CLBA1: variants seen among roughly 807,000 people sequenced by gnomAD.
CLBA1 encodes the protein clathrin binding box of aftiphilin containing 1, also known as uncharacterized protein CLBA1.
In CLBA1, 30 loss-of-function variants were observed where a neutral mutation model predicts 28.8. That is an observed-to-expected ratio of 1.04 (90% CI 0.78 to 1.41). CLBA1 has a LOEUF of 1.41. Among genes scored for constraint, CLBA1 ranks in the 40% most tolerant of loss-of-function variants. The probability of loss-of-function intolerance (pLI) is 0.00; values close to 1 mark genes in which losing one functional copy is unlikely to be tolerated. For synonymous variants in CLBA1, 160 were observed against 152.8 expected, an observed-to-expected ratio of 1.05 and a Z score of -0.35; for missense variants, 451 against 412.3, an observed-to-expected ratio of 1.09 and a Z score of -0.81.
Position 104,986,329 on chromosome 14 carries a change from C to A in CLBA1, c.-103C>A. On this transcript the variant is annotated 5_prime_UTR_variant, in exon 1 of 5. Transcript: ENST00000547315. ...CTCCTGCAGCGTCCCCTGGCCCTCT[C>A]CAGGGCAGGGGAAGGTTGGGCAGTC... is the stretch of plus-strand genomic sequence containing the variant. 8.6e-6 allele frequency: 11 copies of A among 1,280,752 alleles called. No individual in the cohort carries two copies. Among genetic ancestry groups the A allele is most frequent in the Non-Finnish European group, 1.2e-5 (11 of 939,032 alleles). The allele number at this position is 1,280,752 out of a possible 1,614,324, so 79.3% of individuals were successfully genotyped here.
chr14:104,989,721 A>G (rs1286633790), intron 2 of CLBA1: 1 of 455,516 alleles, frequency 2.2e-6, no homozygotes, highest in East Asian at 6.9e-5. Flanking sequence ...AGTTGGCCCA[A>G]GGCCCCAGAG....
At chr14:104,988,047 T>C (rs1410791973) in intron 1 of CLBA1, among the ~76,000 whole-genome samples, 1 of 151,904 alleles carries the variant, frequency 6.6e-6, no homozygotes, top group Non-Finnish European at 1.5e-5. Context: ...CCAGCGTGAT[T>C]GATGTATTAG....
Position 104,986,127 on chromosome 14 carries a change from G to C in CLBA1, c.-305G>C. 2.2e-6 allele frequency: 1 copy of C among 444,698 alleles called. No individual in the cohort carries two copies. Among genetic ancestry groups the C allele is most frequent in the East Asian group, 4.2e-5 (1 of 23,588 alleles). 27.5% of individuals were successfully genotyped at this position (444,698 alleles called of 1,614,324 possible). On this transcript the variant is annotated 5_prime_UTR_variant, in exon 1 of 5. Coordinates refer to ENST00000547315, the MANE Select transcript of CLBA1 (RefSeq NM_174891.4). ...TCTCCAGAGCAGGAGCCCCACCTTG[G>C]GCCGCCCCTCTCACACCTGCCGTGG...
intron 4 of CLBA1, chr14:104,993,724 T>C (rs1900099666): frequency 1.0e-6 from 1 of 985,308 alleles, no homozygotes; most frequent in Non-Finnish European, 1.2e-6. Context: ...TGGCCAGGCC[T>C]AGCTCACCTG....
intron 2 of CLBA1, chr14:104,989,602 C>T (rs756638356): frequency 1.8e-5 from 8 of 455,934 alleles, no homozygotes; most frequent in South Asian, 3.1e-5. Flanking sequence ...AAAGTGCACC[C>T]GCAGTCACTC....
At chr14:104,990,479 TG>T (rs1453219126) in intron 2 of CLBA1, 1 of 151,822 alleles carries the variant, frequency 6.6e-6, no homozygotes, top group Non-Finnish European at 1.5e-5. Flanking sequence ...TTGTATTTTT[TG>T]TAGAGACAGG....
At chr14:104,992,034 C>A (rs899188740) in intron 3 of CLBA1, among the ~76,000 whole-genome samples, 1 of 149,750 alleles carries the variant, frequency 6.7e-6, no homozygotes, top group Non-Finnish European at 1.5e-5. Flanking sequence ...ATGCACACGC[C>A]GCCACGCACA....
intron 4 of CLBA1, chr14:104,994,318 C>T (rs1900114736): frequency 7.1e-6 from 7 of 985,322 alleles, no homozygotes; most frequent in South Asian, 9.4e-5. Context: ...GTGCCAGACA[C>T]GTAGCACAAG....
chr14:104,991,348 TAAC>T, intron 2 of CLBA1, 140 bp from the exon 3 acceptor site: 4 of 929,776 alleles, frequency 4.3e-6, no homozygotes, highest in Non-Finnish European at 6.4e-6. Flanking sequence ...TTAGAGTTCT[TAAC>T]AGCCATACGC....
rs1376861503 is a variant in CLBA1 at position 104,986,711 on chromosome 14, T to C, written c.280T>C (p.Phe94Leu). 3.1e-6 allele frequency: 5 copies of C among 1,613,778 alleles called. No individual in the cohort carries two copies. Among genetic ancestry groups the C allele is most frequent in the Non-Finnish European group, 2.5e-6 (3 of 1,179,964 alleles). ...GGAATCTTCAGCCAAGTCTGGACAA[T>C]TCTCACAGTCCCTTGAACTCCTCGA... ...FRESSAKSGQ[F>L]SQSLELLEGP... Residue 94 changes from phenylalanine to leucine, a missense_variant, in exon 1 of 5, where the codon TTC (phenylalanine) becomes CTC (leucine). Physicochemically the swap from Phe to Leu is conservative, Grantham distance 22. Transcript: ENST00000547315.
intron 2 of CLBA1, chr14:104,990,202 C>G (rs2819466): frequency 0.07 from 11,351 of 162,698 alleles, 1,451 homozygotes; most frequent in African/African-American, 0.26. Context: ...GGTGTCAGGA[C>G]TTGGCGGGGC....
chr14:104,991,454 T>G (rs1220402531), intron 2 of CLBA1, 37 bp from the exon 3 acceptor site: 1 of 1,612,018 alleles, frequency 6.2e-7, no homozygotes, highest in African/African-American at 1.3e-5. Context: ...CAGAAGGCTC[T>G]CAAGGTCACC....
intron 3 of CLBA1, among the ~76,000 whole-genome samples, chr14:104,991,958 G>GCACACGCCGCCACACACACGCCT (rs1450968876): frequency 6.7e-6 from 1 of 149,062 alleles, no homozygotes; most frequent in Non-Finnish European, 1.5e-5. Flanking sequence ...ACGCCGCCAC[G>GCACACGCCGCCACACACACGCCT]CACACGCCGC....
At chr14:104,993,762 A>G (rs1297960936) in intron 4 of CLBA1, 13 of 985,300 alleles carry the variant, frequency 1.3e-5, no homozygotes, top group African/African-American at 1.7e-5. Context: ...GAGACCCAGG[A>G]CCTTGGAACA....
intron 3 of CLBA1, among the ~76,000 whole-genome samples, chr14:104,992,733 G>A (rs1317600181): frequency 1.3e-5 from 2 of 152,220 alleles, no homozygotes; most frequent in Non-Finnish European, 2.9e-5. Context: ...AGCAGTTGAG[G>A]GGCGCTGAGG....
Position 104,986,797 on chromosome 14 carries a change from C to T in CLBA1, c.366C>T (p.His122=), listed in dbSNP as rs776506324. ...CTGCCCCAAAAGAGTGCAGTTCTCA[C>T]CAACCATGCCAGGGTGGACCTTGGG... is the stretch of plus-strand genomic sequence containing the variant. ...TTSAPKECSS[H]QPCQGGPWVT... Residue 122 remains histidine, a synonymous_variant, in exon 1 of 5, where the codon CAC becomes CAT. Coordinates refer to ENST00000547315, the MANE Select transcript of CLBA1 (RefSeq NM_174891.4). The T allele has an allele frequency of 8.1e-6, 13 of 1,613,728 alleles. No individual in the cohort carries two copies. Among genetic ancestry groups the T allele is most frequent in the East Asian group, 2.2e-5 (1 of 44,850 alleles).
intron 2 of CLBA1, 111 bp downstream of exon 2, chr14:104,989,199 G>T: frequency 1.1e-5 from 12 of 1,091,282 alleles, no homozygotes; most frequent in South Asian, 1.6e-5. Context: ...CATCTCTCCT[G>T]AGGTCCCTGC....
At chr14:104,986,894 G>C (rs755277864) in intron 1 of CLBA1, 40 bp downstream of exon 1, 1 of 1,596,582 alleles carries the variant, frequency 6.3e-7, no homozygotes, top group East Asian at 2.2e-5. Flanking sequence ...TGAGTGGGAC[G>C]TGTACACACC....
intron 4 of CLBA1, chr14:104,993,298 C>T (rs1900089274): frequency 1.0e-6 from 1 of 985,280 alleles, no homozygotes; most frequent in Non-Finnish European, 1.2e-6. Flanking sequence ...CCAGAGGACC[C>T]AGGATATGGG....
Sources: allele counts gnomAD v4.1 joint callset (sites outside exome capture counted in the v4.1 genomes callset), GRCh38; gene constraint gnomAD v4.1.1; transcripts MANE v1.5; gene names NCBI Gene and HGNC (gene_info 2026-07-23, HGNC 2026-07-21).